PHKB: variants seen among roughly 807,000 people sequenced by gnomAD.
PHKB encodes phosphorylase kinase regulatory subunit beta.
PHKB carries 122 observed loss-of-function variants against 152.1 expected under a neutral mutation model. That is an observed-to-expected ratio of 0.80 (90% CI 0.69 to 0.93). PHKB has a LOEUF of 0.93. Ranked by LOEUF, PHKB falls within the 40% of genes least tolerant of loss-of-function variation. The probability of loss-of-function intolerance (pLI) is 0.00; values close to 1 mark genes in which losing one functional copy is unlikely to be tolerated. For synonymous variants in PHKB, 436 were observed against 464.9 expected, an observed-to-expected ratio of 0.94 and a Z score of 0.80; for missense variants, 1,304 against 1,328.4, an observed-to-expected ratio of 0.98 and a Z score of 0.29.
At chr16:47,599,034 A>G in intron 13 of PHKB, 2 of 692,694 alleles carry the variant, frequency 2.9e-6, no homozygotes, top group East Asian at 5.2e-5. Context: ...CAACACATGA[A>G]ATAGTTTTCT....
At chr16:47,546,172 C>G (rs1971160752) in intron 6 of PHKB, among the ~76,000 whole-genome samples, 1 of 152,150 alleles carries the variant, frequency 6.6e-6, no homozygotes, top group Non-Finnish European at 1.5e-5. Context: ...AAGGGTCACT[C>G]CTGTTTTTAG....
chr16:47,571,631 C>G (rs1971660550), intron 7 of PHKB, among the ~76,000 whole-genome samples: 1 of 152,184 alleles, frequency 6.6e-6, no homozygotes, highest in Non-Finnish European at 1.5e-5. Flanking sequence ...GCAGTCACCC[C>G]AAAGTGCTTG....
intron 26 of PHKB, among the ~76,000 whole-genome samples, chr16:47,680,800 G>T (rs761856725): frequency 2.0e-5 from 3 of 151,908 alleles, no homozygotes; most frequent in Non-Finnish European, 1.5e-5. Context: ...GTCATTTCTT[G>T]CCTTCTGCTA....
At chr16:47,653,856 G>A (rs1401305735) in intron 20 of PHKB, among the ~76,000 whole-genome samples, 1 of 152,126 alleles carries the variant, frequency 6.6e-6, no homozygotes, top group African/African-American at 2.4e-5. Context: ...TTATAATCAT[G>A]GTAATTTCAG....
chr16:47,469,950 A>G (rs907166210), intron 1 of PHKB, among the ~76,000 whole-genome samples: 2 of 152,202 alleles, frequency 1.3e-5, no homozygotes, highest in African/African-American at 4.8e-5. Context: ...ACTAATGATA[A>G]TAATGATTTT....
chr16:47,512,217 T>C (rs910078539), intron 5 of PHKB, among the ~76,000 whole-genome samples: 1 of 152,166 alleles, frequency 6.6e-6, no homozygotes, highest in Admixed American at 6.5e-5. Flanking sequence ...TATAAATTGT[T>C]CAAAATAGAA....
intron 14 of PHKB, among the ~76,000 whole-genome samples, chr16:47,631,521 C>G (rs1242241187): frequency 6.6e-6 from 1 of 152,122 alleles, no homozygotes; most frequent in Non-Finnish European, 1.5e-5. Flanking sequence ...GGTACATGTG[C>G]AGAATATGCA....
At chr16:47,566,338 C>T in intron 7 of PHKB, 1 of 1,369,474 alleles carries the variant, frequency 7.3e-7, no homozygotes, top group Non-Finnish European at 1.0e-6. Flanking sequence ...CCATTTCTAT[C>T]ACAGCCAGAA....
chr16:47,570,957 CT>C (rs1002018011), intron 7 of PHKB, among the ~76,000 whole-genome samples: 9 of 151,028 alleles, frequency 6.0e-5, no homozygotes, highest in African/African-American at 1.7e-4. Flanking sequence ...TGACTGGGTT[CT>C]TTTTTTTTCC....
intron 14 of PHKB, among the ~76,000 whole-genome samples, chr16:47,611,881 G>T (rs1231894688): frequency 6.6e-6 from 1 of 152,162 alleles, no homozygotes; most frequent in East Asian, 1.9e-4. Context: ...TAAAATTCCT[G>T]TGTTAATATG....
intron 4 of PHKB, among the ~76,000 whole-genome samples, chr16:47,506,192 A>T (rs1211129389): frequency 6.6e-6 from 1 of 151,962 alleles, no homozygotes; most frequent in Non-Finnish European, 1.5e-5. Context: ...CCTCAAAAAA[A>T]AAAGAAAAGA....
intron 26 of PHKB, among the ~76,000 whole-genome samples, chr16:47,675,211 G>A (rs148723786): frequency 7.9e-5 from 12 of 152,262 alleles, no homozygotes; most frequent in East Asian, 5.8e-4. Context: ...TGTGAGTGAC[G>A]CAGAGTTCAT....
chr16:47,610,518 C>G (rs1180239315), intron 13 of PHKB, among the ~76,000 whole-genome samples: 1 of 151,852 alleles, frequency 6.6e-6, no homozygotes, highest in African/African-American at 2.4e-5. Flanking sequence ...TATTATTTGA[C>G]CCATTAGTTA....
chr16:47,495,282 T>A (rs985613266), intron 1 of PHKB, among the ~76,000 whole-genome samples: 6 of 152,098 alleles, frequency 3.9e-5, no homozygotes, highest in Admixed American at 1.3e-4. Flanking sequence ...TAAATATTTT[T>A]AAATCTAAAA....
chr16:47,661,965 T>C (rs548473983), intron 23 of PHKB, among the ~76,000 whole-genome samples, 165 bp downstream of exon 23: 2 of 152,248 alleles, frequency 1.3e-5, no homozygotes, highest in East Asian at 3.9e-4. Context: ...CCCCCTAGAG[T>C]GGAGGAGACT....
chr16:47,575,201 T>G (rs1971729576), intron 7 of PHKB, among the ~76,000 whole-genome samples: 2 of 152,160 alleles, frequency 1.3e-5, no homozygotes, highest in South Asian at 4.1e-4. Context: ...AGTCAAAAAC[T>G]AACATATTGG....
chr16:47,651,009 G>GT, intron 20 of PHKB, 88 bp downstream of exon 20: 1 of 974,056 alleles, frequency 1.0e-6, no homozygotes, highest in South Asian at 1.3e-5. Context: ...TCTATTTAAG[G>GT]TTTTTGACTT....
intron 6 of PHKB, among the ~76,000 whole-genome samples, chr16:47,526,811 TAAAG>T (rs1378169707): frequency 6.6e-6 from 1 of 152,152 alleles, no homozygotes; most frequent in Non-Finnish European, 1.5e-5. Flanking sequence ...TGCATTGCTA[TAAAG>T]AAATACCTGA....
intron 14 of PHKB, among the ~76,000 whole-genome samples, chr16:47,623,244 A>C (rs751651230): frequency 6.6e-6 from 1 of 152,094 alleles, no homozygotes; most frequent in Non-Finnish European, 1.5e-5. Flanking sequence ...GCTGTTTTTT[A>C]TTTCAATAAT....
Sources: gnomAD v4.1 joint callset for allele counts (sites outside exome capture counted in the v4.1 genomes callset) on GRCh38, gnomAD v4.1.1 for gene constraint, MANE v1.5 for transcripts, NCBI Gene and HGNC (gene_info 2026-07-23, HGNC 2026-07-21) for gene names.